Variants in PLA2G4A observed in about 807,000 individuals in gnomAD.
The protein encoded by PLA2G4A is phospholipase A2 group IVA, also known as cytosolic phospholipase A2.
Under a neutral mutation model 81.9 loss-of-function variants are expected in PLA2G4A, and 40 were observed. The observed-to-expected ratio is 0.49, with a 90% confidence interval of 0.38 to 0.64. The LOEUF (loss-of-function observed/expected upper bound fraction) is 0.64. Among genes scored for constraint, PLA2G4A ranks in the 30% least tolerant of loss-of-function variants. PLA2G4A has a pLI of 0.00. For missense variants in PLA2G4A, 715 were observed against 905.1 expected (o/e 0.79, Z 2.69); for synonymous variants, 302 against 296.9 (o/e 1.02, Z -0.18).
At chr1:186,964,625 C>T (rs1657071258) in intron 14 of PLA2G4A, among the ~76,000 whole-genome samples, 1 of 152,196 alleles carries the variant, frequency 6.6e-6, no homozygotes, top group African/African-American at 2.4e-5. Flanking sequence ...AGAGGCATCT[C>T]CCCTGACCAT....
chr1:186,918,760 A>G (rs574641217), intron 7 of PLA2G4A, among the ~76,000 whole-genome samples: 2 of 152,348 alleles, frequency 1.3e-5, no homozygotes, highest in East Asian at 1.9e-4. Flanking sequence ...ACAGACTTCA[A>G]TAGTTATGTG....
rs116491843 is a variant in PLA2G4A at position 186,850,776 on chromosome 1, A to C, written c.-69-3510A>C. Among the ~76,000 whole-genome samples the C allele has an allele frequency of 6.4e-3, 973 of 152,162 alleles. 8 individuals are homozygous for C. The highest frequency in any genetic ancestry group is 0.023 in the African/African-American group (936 of 41,552). On this transcript the variant is annotated intron_variant, in intron 1 of 17. Coordinates refer to ENST00000367466, the MANE Select transcript of PLA2G4A (RefSeq NM_024420.3). The stretch of plus-strand genomic sequence containing the variant: ...TTGGAGAGTGTCAAGTATAAAGTCA[A>C]TAGGGCCACAAAGTTTCATGGTATA...
intron 14 of PLA2G4A, among the ~76,000 whole-genome samples, chr1:186,956,905 C>T (rs963252206): frequency 1.3e-5 from 2 of 151,832 alleles, no homozygotes; most frequent in African/African-American, 2.4e-5. Context: ...TTGAGGAGGA[C>T]GGCCGGGGAG....
chr1:186,854,365 T>C lies in PLA2G4A; in HGVS notation c.11T>C (p.Ile4Thr). MSF[I>T]DPYQHIIVEH... ...GTAATTGAAACCAAAATGTCATTTA[T>C]AGATCCTTACCAGCACATTATAGTA... Residue 4 changes from isoleucine (I) to threonine (T), a missense_variant, in exon 2 of 18, where the codon ATA becomes ACA. By Grantham distance (89) the Ile-to-Thr change is moderately conservative. Coordinates refer to ENST00000367466, the MANE Select transcript of PLA2G4A (RefSeq NM_024420.3). 1 of 1,573,448 alleles carries C rather than the reference T, an allele frequency of 6.4e-7. No homozygotes were observed. Among genetic ancestry groups the C allele is most frequent in the Non-Finnish European group, 8.7e-7 (1 of 1,143,722 alleles).
At chr1:186,898,961 C>G (rs539904009) in intron 5 of PLA2G4A, among the ~76,000 whole-genome samples, 4 of 152,278 alleles carry the variant, frequency 2.6e-5, no homozygotes, top group African/African-American at 9.6e-5. Context: ...GTGGTAGACA[C>G]TCTTTAGGCA....
At chr1:186,977,894 T>C (rs971724487) in intron 16 of PLA2G4A, 106 bp downstream of exon 16, 1 of 798,690 alleles carries the variant, frequency 1.3e-6, no homozygotes. Context: ...ATTACACTAT[T>C]GAATGCTTCC....
At chr1:186,896,055 T>C (rs1316632794) in intron 5 of PLA2G4A, among the ~76,000 whole-genome samples, 1 of 151,588 alleles carries the variant, frequency 6.6e-6, no homozygotes, top group Admixed American at 6.6e-5. Flanking sequence ...ATTTTATGGT[T>C]CAGTATATAC....
intron 3 of PLA2G4A, among the ~76,000 whole-genome samples, chr1:186,877,683 A>C (rs1010391136): frequency 7.0e-6 from 1 of 142,096 alleles, no homozygotes; most frequent in African/African-American, 2.7e-5. Context: ...CACTTTTAAG[A>C]CTAAGGCCTG....
chr1:186,935,365 G>A (rs1320720639), intron 8 of PLA2G4A, among the ~76,000 whole-genome samples: 4 of 150,548 alleles, frequency 2.7e-5, no homozygotes, highest in South Asian at 2.1e-4. Flanking sequence ...GAAGGAGCTC[G>A]GTCATTGTTT....
intron 15 of PLA2G4A, among the ~76,000 whole-genome samples, chr1:186,972,791 GATGGAAGTA>G (rs1482016883): frequency 6.6e-6 from 1 of 152,096 alleles, no homozygotes; most frequent in Non-Finnish European, 1.5e-5. Flanking sequence ...CTTCACAAAT[GATGGAAGTA>G]ATGTATCTAA....
intron 5 of PLA2G4A, among the ~76,000 whole-genome samples, chr1:186,906,378 G>T (rs908249091): frequency 6.6e-6 from 1 of 152,166 alleles, no homozygotes; most frequent in Non-Finnish European, 1.5e-5. Flanking sequence ...CTCAAATAGT[G>T]TTGAAATAAA....
At chr1:186,950,482 AT>A (rs1656516671) in intron 12 of PLA2G4A, among the ~76,000 whole-genome samples, 174 bp from the exon 13 acceptor site, 1 of 152,160 alleles carries the variant, frequency 6.6e-6, no homozygotes, top group Non-Finnish European at 1.5e-5. Context: ...CCAGTGAGAA[AT>A]CTGAGAACAT....
chr1:186,927,531 A>G (rs746470495), intron 7 of PLA2G4A, among the ~76,000 whole-genome samples: 8 of 152,280 alleles, frequency 5.3e-5, no homozygotes, highest in Middle Eastern at 3.4e-3. Flanking sequence ...TGGGGGAGTA[A>G]AATCTGGAAT....
chr1:186,905,094 A>G (rs944999298), intron 5 of PLA2G4A, among the ~76,000 whole-genome samples: 10 of 152,154 alleles, frequency 6.6e-5, no homozygotes, highest in Admixed American at 1.3e-4. Flanking sequence ...ACATCAGGTG[A>G]TCCACCTGCC....
At chr1:186,882,025 C>T (rs17526478) in intron 3 of PLA2G4A, among the ~76,000 whole-genome samples, 3 of 151,868 alleles carry the variant, frequency 2.0e-5, no homozygotes, top group Non-Finnish European at 4.4e-5. Flanking sequence ...TTTGACTGAG[C>T]AAGAACTCTG....
intron 5 of PLA2G4A, among the ~76,000 whole-genome samples, chr1:186,905,422 A>G (rs1055197760): frequency 1.1e-4 from 17 of 151,272 alleles, no homozygotes; most frequent in Non-Finnish European, 2.2e-4. Context: ...ACCATGCTTT[A>G]CCCATATCTT....
At chr1:186,942,545 T>A (rs994911162) in intron 10 of PLA2G4A, among the ~76,000 whole-genome samples, 4 of 152,158 alleles carry the variant, frequency 2.6e-5, no homozygotes, top group Non-Finnish European at 5.9e-5. Context: ...GAAATATGCA[T>A]AAGATGAGAC....
chr1:186,937,314 T>C (rs901737833), intron 8 of PLA2G4A, among the ~76,000 whole-genome samples: 4 of 151,962 alleles, frequency 2.6e-5, no homozygotes, highest in African/African-American at 9.6e-5. Flanking sequence ...GAGTACATTG[T>C]GCATTTATTA....
intron 8 of PLA2G4A, among the ~76,000 whole-genome samples, chr1:186,935,518 G>A (rs1278965840): frequency 2.6e-5 from 4 of 151,212 alleles, no homozygotes; most frequent in Admixed American, 2.0e-4. Context: ...GATAGTAGAA[G>A]ATAAAAAGAA....
Sources: allele counts gnomAD v4.1 joint callset (sites outside exome capture counted in the v4.1 genomes callset), GRCh38; gene constraint gnomAD v4.1.1; transcripts MANE v1.5; gene names NCBI Gene and HGNC (gene_info 2026-07-23, HGNC 2026-07-21).